Variants in VIT observed in about 807,000 individuals in gnomAD.
The protein encoded by VIT is vitrin.
A neutral mutation model predicts 78.0 loss-of-function variants in VIT; 99 were observed. That is an observed-to-expected ratio of 1.27 (90% confidence interval 1.08 to 1.50). The LOEUF (loss-of-function observed/expected upper bound fraction) is 1.50. Among genes scored for constraint, VIT ranks in the 40% most tolerant of loss-of-function variants. VIT has a pLI of 0.00. For synonymous variants in VIT, 374 were observed against 334.3 expected, an observed-to-expected ratio of 1.12 and a Z score of -1.29; for missense variants, 1,126 against 875.3, an observed-to-expected ratio of 1.29 and a Z score of -3.61.
chr2:36,805,368 C>G, intron 13 of VIT, 70 bp from the exon 14 acceptor site: 1 of 1,415,816 alleles, frequency 7.1e-7, no homozygotes, highest in Non-Finnish European at 9.5e-7. Context: ...CCTCTTTGTG[C>G]TGCTGTGATC....
chr2:36,778,726 C>T (rs1670220068), intron 9 of VIT, among the ~76,000 whole-genome samples: 1 of 152,180 alleles, frequency 6.6e-6, no homozygotes, highest in African/African-American at 2.4e-5. Flanking sequence ...GCTGCAACAG[C>T]CCACCCTCTT....
intron 12 of VIT, among the ~76,000 whole-genome samples, chr2:36,791,414 G>A (rs1336611360): frequency 6.6e-6 from 1 of 152,168 alleles, no homozygotes; most frequent in African/African-American, 2.4e-5. Context: ...TAATGACCCC[G>A]AAGTTGTCAA....
intron 1 of VIT, among the ~76,000 whole-genome samples, chr2:36,708,110 T>TCCCCCCCCCCCCC (rs141908586): frequency 3.6e-5 from 5 of 137,788 alleles, no homozygotes; most frequent in Non-Finnish European, 4.7e-5. Context: ...GTAAAGGACC[T>TCCCCCCCCCCCCC]CCCCCCCCCG....
chr2:36,779,953 C>G (rs952874344), intron 9 of VIT, among the ~76,000 whole-genome samples: 5 of 152,094 alleles, frequency 3.3e-5, no homozygotes, highest in African/African-American at 1.2e-4. Context: ...AGTAAGTGAG[C>G]CCCCCAGGCT....
At chr2:36,768,197 C>G (rs144964910) in intron 7 of VIT, among the ~76,000 whole-genome samples, 7 of 152,070 alleles carry the variant, frequency 4.6e-5, no homozygotes, top group African/African-American at 1.7e-4. Context: ...TTTGGGAGGC[C>G]GAGGCAAGCA....
At chr2:36,802,152 T>C (rs1293799248) in intron 13 of VIT, among the ~76,000 whole-genome samples, 2 of 152,162 alleles carry the variant, frequency 1.3e-5, no homozygotes, top group Non-Finnish European at 2.9e-5. Flanking sequence ...AAATCCAAAG[T>C]CTAGTCCTCA....
chr2:36,756,539 AT>A (rs1398205845), intron 5 of VIT, among the ~76,000 whole-genome samples: 2 of 152,180 alleles, frequency 1.3e-5, no homozygotes, highest in Non-Finnish European at 2.9e-5. Context: ...TCCTCCACTG[AT>A]TAGAGTCGTT....
chr2:36,791,985 G>A (rs1026517723), intron 12 of VIT, among the ~76,000 whole-genome samples: 27 of 152,140 alleles, frequency 1.8e-4, no homozygotes, highest in African/African-American at 6.5e-4. Context: ...CAGCTGGGAT[G>A]GGGGCTGGCA....
At chr2:36,809,990 C>CAAAAAAAAAAA (rs36123287) in intron 15 of VIT, among the ~76,000 whole-genome samples, 1 of 100,748 alleles carries the variant, frequency 9.9e-6, no homozygotes, top group African/African-American at 5.0e-5. Flanking sequence ...GATCCTGTCT[C>CAAAAAAAAAAA]AAAAAAAAAA....
At chr2:36,759,575 T>A in intron 6 of VIT, 10 of 1,048,892 alleles carry the variant, frequency 9.5e-6, no homozygotes, top group Non-Finnish European at 1.0e-5. Context: ...GAAAATACCT[T>A]TTTCCAGGTT....
chr2:36,758,904 T>C, intron 5 of VIT, 65 bp from the exon 6 acceptor site: 2 of 1,404,370 alleles, frequency 1.4e-6, no homozygotes, highest in Non-Finnish European at 2.0e-6. Flanking sequence ...ATCAACTTAG[T>C]ACAGAACCAT....
chr2:36,769,413 C>A (rs544254695), intron 7 of VIT, among the ~76,000 whole-genome samples: 2 of 152,258 alleles, frequency 1.3e-5, no homozygotes, highest in South Asian at 4.1e-4. Flanking sequence ...GGAACAGGAG[C>A]TTTGGACAAC....
chr2:36,808,669 C>G lies in VIT; in HGVS notation c.1587C>G (p.Val529=), dbSNP rs773554205. ...SSVGTGNFRT[V]LQFVTNLTKE... ...TGGGGACGGGCAACTTCCGCACCGT[C>G]CTCCAGTTTGTGACCAACCTCACCA... The change falls in exon 15 of 16, where the codon GTC becomes GTG. Residue 529 remains valine (V), a synonymous_variant. Coordinates refer to ENST00000379242, the MANE Select transcript of VIT (RefSeq NM_053276.4). The G allele has an allele frequency of 5.6e-6, 9 of 1,614,230 alleles. 1 individual carries two copies. The highest frequency in any genetic ancestry group is 4.4e-5 in the South Asian group (4 of 91,086).
chr2:36,805,428 T>C lies in VIT; in HGVS notation c.1163-10T>C, dbSNP rs928707407. ...GATCACTCCAAGCATGAATTTTCTT[T>C]TTCTTCCAGGTCGGGCCATCTCCTT... On this transcript the variant is annotated splice_polypyrimidine_tract_variant and intron_variant, in intron 13 of 15. Transcript: ENST00000379242. The C allele has an allele frequency of 3.1e-6, 5 of 1,588,754 alleles. No homozygotes were observed. In the African/African-American group the frequency reaches 6.8e-5, roughly 22 times the overall value.
intron 4 of VIT, among the ~76,000 whole-genome samples, chr2:36,750,371 A>G (rs922359521): frequency 1.3e-5 from 2 of 152,142 alleles, no homozygotes; most frequent in Non-Finnish European, 2.9e-5. Flanking sequence ...GCAAAGGGTG[A>G]GCCTGTCTTA....
intron 15 of VIT, 88 bp from the exon 16 acceptor site, chr2:36,814,095 C>G: frequency 6.7e-7 from 1 of 1,491,292 alleles, no homozygotes; most frequent in Non-Finnish European, 9.0e-7. Flanking sequence ...TTGGATTTGG[C>G]TGTGCCAACA....
At chr2:36,738,941 A>G (rs934107158) in intron 3 of VIT, among the ~76,000 whole-genome samples, 4 of 152,190 alleles carry the variant, frequency 2.6e-5, no homozygotes, top group Non-Finnish European at 5.9e-5. Flanking sequence ...ATGCTTTGCA[A>G]AAGAGGGTGC....
At chr2:36,780,108 G>C (rs545056558) in intron 9 of VIT, among the ~76,000 whole-genome samples, 14 of 152,218 alleles carry the variant, frequency 9.2e-5, no homozygotes, top group South Asian at 4.1e-4. Context: ...AGTCTCAGCT[G>C]TCCAAATATT....
chr2:36,718,698 C>A (rs1433920748), intron 2 of VIT, among the ~76,000 whole-genome samples: 1 of 152,176 alleles, frequency 6.6e-6, no homozygotes, highest in African/African-American at 2.4e-5. Context: ...CCCTGAGGAA[C>A]TTCTAGGTAC....
Sources: gnomAD v4.1 joint callset for allele counts (sites outside exome capture counted in the v4.1 genomes callset) on GRCh38, gnomAD v4.1.1 for gene constraint, MANE v1.5 for transcripts, NCBI Gene and HGNC (gene_info 2026-07-23, HGNC 2026-07-21) for gene names.